RBFOX1: variants seen among roughly 807,000 people sequenced by gnomAD.
RBFOX1 encodes RNA binding fox-1 homolog 1.
RBFOX1 carries 8 observed loss-of-function variants against 57.7 expected under a neutral mutation model. The ratio of observed to expected loss-of-function variants is 0.14; its 90% confidence interval spans 0.08 to 0.25. The LOEUF is 0.25. Among genes scored for constraint, RBFOX1 ranks in the 10% least tolerant of loss-of-function variants. The probability of loss-of-function intolerance (pLI) is 1.00; values close to 1 mark genes in which losing one functional copy is unlikely to be tolerated. For synonymous variants in RBFOX1, 326 were observed against 222.4 expected (o/e 1.47, Z -4.15); for missense variants, 611 against 548.5 (o/e 1.11, Z -1.14).
chr16:6,545,818 A>G (rs562123625), intron 2 of RBFOX1, among the ~76,000 whole-genome samples: 2 of 152,352 alleles, frequency 1.3e-5, no homozygotes, highest in South Asian at 2.1e-4. Flanking sequence ...TAGGAGAGTA[A>G]TCTAAAGCCC....
intron 1 of RBFOX1, among the ~76,000 whole-genome samples, chr16:6,224,252 G>A (rs1311946613): frequency 2.0e-5 from 3 of 151,626 alleles, no homozygotes; most frequent in Non-Finnish European, 4.4e-5. Context: ...GAAAGTCATT[G>A]GTAGCTTGAT....
intron 1 of RBFOX1, among the ~76,000 whole-genome samples, chr16:5,454,717 C>T (rs1035958991): frequency 2.4e-5 from 2 of 84,236 alleles, no homozygotes; most frequent in Non-Finnish European, 5.2e-5. Context: ...AAACCAGTTC[C>T]TTAAAATCTC....
chr16:7,174,925 A>C (rs957469478), intron 4 of RBFOX1, among the ~76,000 whole-genome samples: 2 of 152,100 alleles, frequency 1.3e-5, no homozygotes, highest in Non-Finnish European at 2.9e-5. Flanking sequence ...CTATCTTTCA[A>C]ATTACTGCCA....
In RBFOX1 at chr16:7,485,438, GT is replaced by G. The variant is rs376500201; in HGVS notation, c.28-32705del. 1.3e-4 allele frequency among the ~76,000 whole-genome samples: 20 copies of G among 152,272 alleles called. 1 individual carries two copies. The South Asian group carries it at 3.7e-3, about 28-fold the overall frequency. ...ACAAATAGATTAACACGCTCAATAG[GT>G]TTTCCTTGAATCCAGCTGAATGCTT... On this transcript the variant is annotated intron_variant, in intron 4 of 15. Transcript: ENST00000550418.
intron 4 of RBFOX1, among the ~76,000 whole-genome samples, chr16:6,003,094 A>G (rs189394223): frequency 6.6e-6 from 1 of 152,062 alleles, no homozygotes; most frequent in Non-Finnish European, 1.5e-5. Context: ...CCTGGCTAAC[A>G]TGGTGAAACC....
intron 1 of RBFOX1, among the ~76,000 whole-genome samples, chr16:5,365,295 G>A (rs1158516569): frequency 6.7e-6 from 1 of 149,260 alleles, no homozygotes; most frequent in African/African-American, 2.5e-5. Context: ...TGAAAAATGA[G>A]CAAACACATA....
intron 3 of RBFOX1, among the ~76,000 whole-genome samples, chr16:6,676,641 ACTTT>A (rs2057743766): frequency 7.0e-6 from 1 of 143,688 alleles, no homozygotes; most frequent in Non-Finnish European, 1.5e-5. Context: ...TTCTCAACTT[ACTTT>A]CTTTTTTTTT....
chr16:6,145,402 T>C (rs1409254588), intron 1 of RBFOX1, among the ~76,000 whole-genome samples: 1 of 152,194 alleles, frequency 6.6e-6, no homozygotes, highest in Non-Finnish European at 1.5e-5. Context: ...TTCCATGGTG[T>C]ATATGTACCA....
chr16:7,123,733 T>C (rs1035327218), intron 4 of RBFOX1, among the ~76,000 whole-genome samples: 10 of 152,198 alleles, frequency 6.6e-5, no homozygotes, highest in Admixed American at 2.0e-4. Flanking sequence ...CTTGGACATA[T>C]ATATTTATAT....
chr16:6,209,264 T>G (rs2097276209), intron 1 of RBFOX1, among the ~76,000 whole-genome samples: 1 of 152,200 alleles, frequency 6.6e-6, no homozygotes, highest in African/African-American at 2.4e-5. Context: ...GGGCCACGTT[T>G]TGTGGAATTA....
chr16:6,857,720 C>A (rs887735189), intron 3 of RBFOX1, among the ~76,000 whole-genome samples: 1 of 152,154 alleles, frequency 6.6e-6, no homozygotes, highest in Admixed American at 6.5e-5. Flanking sequence ...ATTTCCCATT[C>A]TCCTGTAAAT....
chr16:5,507,520 G>A (rs959829586), intron 2 of RBFOX1, among the ~76,000 whole-genome samples: 1 of 152,128 alleles, frequency 6.6e-6, no homozygotes, highest in Admixed American at 6.5e-5. Flanking sequence ...TCTGTTTTCT[G>A]GGTCTGAAGA....
intron 3 of RBFOX1, among the ~76,000 whole-genome samples, chr16:6,926,968 C>A (rs1478490795): frequency 6.6e-6 from 1 of 152,098 alleles, no homozygotes; most frequent in Non-Finnish European, 1.5e-5. Context: ...CTTACTCAGG[C>A]CTCTGCCAGC....
At chr16:7,237,935 T>G (rs554254058) in intron 4 of RBFOX1, among the ~76,000 whole-genome samples, 1 of 152,258 alleles carries the variant, frequency 6.6e-6, no homozygotes, top group Non-Finnish European at 1.5e-5. Context: ...ACCCTGGAGA[T>G]GGAGGTTACA....
intron 3 of RBFOX1, among the ~76,000 whole-genome samples, chr16:5,654,017 G>A (rs74962183): frequency 0.094 from 14,386 of 152,260 alleles, 1,224 homozygotes; most frequent in East Asian, 0.38. Flanking sequence ...CCCAGCTGGT[G>A]CGAGCTTTTG....
intron 3 of RBFOX1, among the ~76,000 whole-genome samples, chr16:6,861,097 A>G (rs897062600): frequency 2.1e-4 from 32 of 152,212 alleles, no homozygotes; most frequent in Non-Finnish European, 2.4e-4. Flanking sequence ...GTTATATTTT[A>G]TGTTGCAAGC....
chr16:7,165,265 G>C lies in RBFOX1; in HGVS notation c.27+113167G>C, dbSNP rs182941574. Among the ~76,000 whole-genome samples, 1,477 of 152,034 alleles carry C rather than the reference G, an allele frequency of 9.7e-3. 25 individuals are homozygous for C. The highest frequency in any genetic ancestry group is 0.034 in the African/African-American group (1,398 of 41,472). On this transcript the variant is annotated intron_variant, in intron 4 of 15. Transcript: ENST00000550418. Reference sequence around the variant, plus strand: ...TTGTGCATTGCTCCAAGATGCCTAAGCAAGGGGGCAGAGAGGGTGACACAC... The same window carrying C: ...TTGTGCATTGCTCCAAGATGCCTAACCAAGGGGGCAGAGAGGGTGACACAC...
At chr16:5,347,428 G>T (rs563813038) in intron 1 of RBFOX1, among the ~76,000 whole-genome samples, 257 of 152,240 alleles carry the variant, frequency 1.7e-3, no homozygotes, top group African/African-American at 6.0e-3. Flanking sequence ...TGTACAAGAT[G>T]CCTGTTTAGA....
intron 3 of RBFOX1, among the ~76,000 whole-genome samples, chr16:6,866,462 A>T (rs968133677): frequency 4.6e-5 from 7 of 151,750 alleles, no homozygotes; most frequent in African/African-American, 1.7e-4. Flanking sequence ...GTTAAGCAAA[A>T]AATATATAAT....
Sources: gnomAD v4.1 joint callset for allele counts (sites outside exome capture counted in the v4.1 genomes callset) on GRCh38, gnomAD v4.1.1 for gene constraint, MANE v1.5 for transcripts, NCBI Gene and HGNC (gene_info 2026-07-23, HGNC 2026-07-21) for gene names.